Variants in CRYBG2 observed in about 807,000 individuals in gnomAD.
CRYBG2 encodes the protein crystallin beta-gamma domain containing 2, also known as beta/gamma crystallin domain-containing protein 2.
CRYBG2 carries 106 observed loss-of-function variants against 153.4 expected under a neutral mutation model. The observed-to-expected ratio is 0.69, with a 90% CI of 0.59 to 0.81. The LOEUF is 0.81. Ranked by LOEUF, CRYBG2 falls within the 30% of genes least tolerant of loss-of-function variation. CRYBG2 has a pLI of 0.00. For synonymous variants in CRYBG2, 851 were observed against 877.8 expected, an observed-to-expected ratio of 0.97 and a Z score of 0.54; for missense variants, 1,996 against 2,112.0, an observed-to-expected ratio of 0.95 and a Z score of 1.08.
chr1:26,331,572 G>T lies in CRYBG2; in HGVS notation c.4231C>A (p.Leu1411Ile). 1.9e-6 allele frequency: 3 copies of T among 1,614,122 alleles called. No individual in the cohort carries two copies. The highest frequency in any genetic ancestry group is 2.2e-5 in the South Asian group (2 of 91,086). Residue 1411 changes from leucine to isoleucine, a missense_variant, in exon 15 of 20, where the codon CTC becomes ATC. By Grantham distance (5) the Leu-to-Ile change is conservative. Transcript: ENST00000308182. ...ETNFEGDQHI[L>I]SEGEFPTLTA... Reference sequence around the variant, plus strand: ...AGAGTGGGGAACTCGCCCTCAGAGAGAATGTGCTGGTCACCCTCGAAGTTC... The same window carrying T: ...AGAGTGGGGAACTCGCCCTCAGAGATAATGTGCTGGTCACCCTCGAAGTTC...
rs1280726933 is a variant in CRYBG2, at chr1:26,325,951, G to T, written c.4579-1641C>A. ...GGGTCTCGCTCTGTCACCCACGCTG[G>T]AGTACCAGTGGAGCCATCATGGCTC... On this transcript the variant is annotated intron_variant, in intron 17 of 19. Coordinates refer to ENST00000308182, the MANE Select transcript of CRYBG2 (RefSeq NM_001039775.4). The surrounding 1 kb of genome is among the most constrained non-coding windows in gnomAD (Gnocchi z 4.1). 6.6e-6 allele frequency among the ~76,000 whole-genome samples: 1 copy of T among 152,106 alleles called. No individual in the cohort carries two copies. The highest frequency in any genetic ancestry group is 2.4e-5 in the African/African-American group (1 of 41,432).
At position 26,331,554 on chromosome 1, in the gene CRYBG2, G is replaced by C; in HGVS notation, c.4249C>G (p.Pro1417Ala). The C allele has an allele frequency of 2.5e-6, 4 of 1,614,124 alleles. No individual in the cohort carries two copies. Among genetic ancestry groups the C allele is most frequent in the Non-Finnish European group, 3.4e-6 (4 of 1,180,028 alleles). ...DQHILSEGEFPTLTAMGCLAS... is the reference protein window; with the variant it reads ...DQHILSEGEFATLTAMGCLAS... ...AGGCAGCCCATGGCCGTGAGAGTGGGGAACTCGCCCTCAGAGAGAATGTGC... is the reference window on the plus strand; with the variant it reads ...AGGCAGCCCATGGCCGTGAGAGTGGCGAACTCGCCCTCAGAGAGAATGTGC... The change falls in exon 15 of 20, where the codon CCC (proline) becomes GCC (alanine). Residue 1417 changes from proline to alanine, a missense_variant. By Grantham distance (27) the Pro-to-Ala change is conservative. Coordinates refer to ENST00000308182, the MANE Select transcript of CRYBG2 (RefSeq NM_001039775.4).
chr1:26,333,048 A>AAAAAAAAAAAAT (rs2074016788), intron 14 of CRYBG2, among the ~76,000 whole-genome samples: 2 of 128,350 alleles, frequency 1.6e-5, no homozygotes, highest in Admixed American at 7.9e-5. Flanking sequence ...AAAAAAAAAG[A>AAAAAAAAAAAAT]TTTCTAACAG....
chr1:26,341,103 C>T (rs1329701803), intron 5 of CRYBG2, among the ~76,000 whole-genome samples: 2 of 151,906 alleles, frequency 1.3e-5, no homozygotes, highest in Non-Finnish European at 2.9e-5. Flanking sequence ...CTTTGAGAGG[C>T]CGAGATGGGT....
chr1:26,328,488 G>T (rs2073960043), intron 16 of CRYBG2, 156 bp from the exon 17 acceptor site: 2 of 1,242,894 alleles, frequency 1.6e-6, no homozygotes. Flanking sequence ...GGGCGGAGAG[G>T]GAGGCTGGGA....
intron 14 of CRYBG2, among the ~76,000 whole-genome samples, chr1:26,333,044 A>AAAAAAAAAAAAAAAC (rs1557707001): frequency 7.2e-6 from 1 of 138,166 alleles, no homozygotes. Context: ...AAAAAAAAAA[A>AAAAAAAAAAAAAAAC]AAGATTTCTA....
intron 1 of CRYBG2, among the ~76,000 whole-genome samples, chr1:26,352,971 C>A (rs2074302190): frequency 6.6e-6 from 1 of 151,896 alleles, no homozygotes; most frequent in Admixed American, 6.6e-5. Context: ...ACAATGCTGC[C>A]CAATCCACCG....
intron 6 of CRYBG2, 141 bp downstream of exon 6, chr1:26,339,149 G>T: frequency 9.5e-7 from 1 of 1,051,122 alleles, no homozygotes; most frequent in Non-Finnish European, 1.3e-6. Context: ...ACACTGAATT[G>T]CTATTGTCTG....
Position 26,342,834 on chromosome 1 carries a change from G to T in CRYBG2, c.3124C>A (p.Pro1042Thr). The T allele has an allele frequency of 6.2e-7, 1 of 1,614,098 alleles. No individual in the cohort carries two copies. Among genetic ancestry groups the T allele is most frequent in the Non-Finnish European group, 8.5e-7 (1 of 1,180,014 alleles). The stretch of plus-strand genomic sequence containing the variant: ...GTTCTGAGTTCCATGTCTCCTTCAG[G>T]CAGGACCAGCTTCTGACCCCGGAAC... ...PEFRGQKLVL[P>T]EGDMELRTPG... Residue 1042 changes from proline to threonine, a missense_variant, in exon 5 of 20, where the codon CCT (proline) becomes ACT (threonine). Transcript: ENST00000308182.
intron 18 of CRYBG2, among the ~76,000 whole-genome samples, chr1:26,323,539 C>A (rs1222453991): frequency 2.0e-5 from 3 of 152,148 alleles, no homozygotes; most frequent in African/African-American, 7.2e-5. Flanking sequence ...CTGCTGTATC[C>A]CCAGCATCTA....
At position 26,345,414 on chromosome 1, in the gene CRYBG2, A is replaced by G; in HGVS notation, c.1244T>C (p.Val415Ala). 1 of 1,611,274 alleles carries G rather than the reference A, an allele frequency of 6.2e-7. No homozygotes were observed. Among genetic ancestry groups the G allele is most frequent in the Non-Finnish European group, 8.5e-7 (1 of 1,178,748 alleles). The change falls in exon 2 of 20, where the codon GTC becomes GCC. Residue 415 changes from valine to alanine, a missense_variant. Coordinates refer to ENST00000308182, the MANE Select transcript of CRYBG2 (RefSeq NM_001039775.4). ...LPMVRSEHVT[V>A]PGQPPAPSTT... ...GGATGGAGCAGGAGGTTGTCCAGGG[A>G]CTGTCACATGCTCGCTCCTCACCAT...
At chr1:26,351,546 G>A (rs74444587) in intron 1 of CRYBG2, among the ~76,000 whole-genome samples, 2,817 of 152,242 alleles carry the variant, frequency 0.019, 38 homozygotes, top group Non-Finnish European at 0.027. Context: ...TAAAAACAGG[G>A]ACATTTGGAA....
At chr1:26,330,211 A>C (rs2073982848) in intron 15 of CRYBG2, among the ~76,000 whole-genome samples, 2 of 152,142 alleles carry the variant, frequency 1.3e-5, no homozygotes, top group African/African-American at 4.8e-5. Context: ...TCTCATTATA[A>C]CTCTTCAACA....
chr1:26,336,683 C>T lies in CRYBG2; in HGVS notation c.3961G>A (p.Glu1321Lys), dbSNP rs762530948. The change falls in exon 12 of 20, where the codon GAG (glutamate) becomes AAG (lysine). Residue 1321 changes from glutamate to lysine, a missense_variant. Transcript: ENST00000308182. The surrounding 1 kb of genome is among the most constrained non-coding windows in gnomAD (Gnocchi z 4.9). The part of the protein sequence containing the change: ...VGFSGEQYVL[E>K]KGVYRNCEDW... ...TCGCAGTTACGATACACGCCCTTCT[C>T]CAGCACGTACTGTTCCCCGGAGAAG... 1 of 1,564,642 alleles carries T rather than the reference C, an allele frequency of 6.4e-7. No homozygotes were observed. Among genetic ancestry groups the T allele is most frequent in the Non-Finnish European group, 8.7e-7 (1 of 1,154,236 alleles).
At chr1:26,335,980 G>T in intron 14 of CRYBG2, 115 bp downstream of exon 14, 1 of 840,502 alleles carries the variant, frequency 1.2e-6, no homozygotes, top group Non-Finnish European at 1.8e-6. Flanking sequence ...AATTGCGCAA[G>T]ACAGAACAGT....
rs767711076 is a variant in CRYBG2 at position 26,342,811 on chromosome 1, T to C, written c.3147A>G (p.Arg1049=). The C allele has an allele frequency of 4.3e-6, 7 of 1,614,066 alleles. No homozygotes were observed. The African/African-American group carries it at 9.3e-5, about 22-fold the overall frequency. Residue 1049 remains arginine, a synonymous_variant, in exon 5 of 20, where the codon AGA becomes AGG. Coordinates refer to ENST00000308182, the MANE Select transcript of CRYBG2 (RefSeq NM_001039775.4). The part of the protein sequence containing the change: ...LVLPEGDMEL[R]TPGTKWSPQG... ...GGGGACTCCACTTTGTCCCTGGGGT[T>C]CTGAGTTCCATGTCTCCTTCAGGCA...
At position 26,344,614 on chromosome 1, in the gene CRYBG2, C is replaced by T. The variant is rs2074180874; in HGVS notation, c.2044G>A (p.Val682Ile). 1.3e-6 allele frequency: 2 copies of T among 1,536,264 alleles called. No homozygotes were observed. Among genetic ancestry groups the T allele is most frequent in the Non-Finnish European group, 1.7e-6 (2 of 1,146,870 alleles). ...ATSLPKQDKG[V>I]QDSEGSPISS... ...ATGGGGCTCCCTTCAGAGTCCTGGA[C>T]CCCCTTATCCTGTTTGGGGAGTGAG... The change falls in exon 2 of 20, where the codon GTC becomes ATC. Residue 682 changes from valine (V) to isoleucine (I), a missense_variant. By Grantham distance (29) the Val-to-Ile change is conservative (BLOSUM62 3). Coordinates refer to ENST00000308182, the MANE Select transcript of CRYBG2 (RefSeq NM_001039775.4).
chr1:26,342,379 G>A (rs1035201054), intron 5 of CRYBG2, among the ~76,000 whole-genome samples: 3 of 152,032 alleles, frequency 2.0e-5, no homozygotes, highest in African/African-American at 7.2e-5. Context: ...AAGCCCCTCT[G>A]CCCACTACCC....
At chr1:26,342,960 C>G (rs921809716) in intron 4 of CRYBG2, 77 bp from the exon 5 acceptor site, 1 of 1,575,690 alleles carries the variant, frequency 6.3e-7, no homozygotes, top group African/African-American at 1.4e-5. Context: ...GATGGGGTTT[C>G]TCCCAGGCTG....
Sources: allele counts gnomAD v4.1 joint callset (sites outside exome capture counted in the v4.1 genomes callset), GRCh38; gene constraint gnomAD v4.1.1; non-coding constraint Gnocchi (gnomAD v3.1); transcripts MANE v1.5; gene names NCBI Gene and HGNC (gene_info 2026-07-23, HGNC 2026-07-21).